Variants in PDE10A observed in about 807,000 individuals in gnomAD.
PDE10A encodes the protein phosphodiesterase 10A, also known as cAMP and cAMP-inhibited cGMP 3',5'-cyclic phosphodiesterase 10A.
Under a neutral mutation model 97.7 loss-of-function variants are expected in PDE10A, and 39 were observed. The observed-to-expected ratio is 0.40, with a 90% CI of 0.31 to 0.52. PDE10A has a LOEUF of 0.52. PDE10A is among the 20% of genes least tolerant of loss of function. The probability of loss-of-function intolerance (pLI) is 0.56; values close to 1 mark genes in which losing one functional copy is unlikely to be tolerated. For synonymous variants in PDE10A, 371 were observed against 376.8 expected (o/e 0.98, Z 0.18); for missense variants, 731 against 1,047.8 (o/e 0.70, Z 4.17).
intron 1 of PDE10A, among the ~76,000 whole-genome samples, chr6:165,956,416 G>C (rs1053261529): frequency 3.3e-5 from 5 of 152,146 alleles, no homozygotes; most frequent in African/African-American, 1.2e-4. Context: ...TTCCAAGTGG[G>C]TCTAACAGTG....
chr6:165,984,145 T>C lies in PDE10A; in HGVS notation c.-615+3384A>G, dbSNP rs541970255. On this transcript the variant is annotated intron_variant, in intron 1 of 19. Transcript: ENST00000366882. ...GCCAAATACAAAGGATATAATAAAA[T>C]CTTTAGACATTTTTATGCTAAAAAA... Among the ~76,000 whole-genome samples, 326 of 152,280 alleles carry C rather than the reference T, an allele frequency of 2.1e-3. 2 individuals are homozygous for C. The South Asian group carries it at 0.023, about 11-fold the overall frequency.
At chr6:165,437,264 C>T (rs1034627857) in intron 5 of PDE10A, among the ~76,000 whole-genome samples, 7 of 151,980 alleles carry the variant, frequency 4.6e-5, no homozygotes, top group Admixed American at 3.9e-4. Flanking sequence ...GCCATAGGCC[C>T]TTCAAGGCTG....
chr6:165,859,643 C>T (rs915809607), intron 1 of PDE10A, among the ~76,000 whole-genome samples: 1 of 152,168 alleles, frequency 6.6e-6, no homozygotes, highest in African/African-American at 2.4e-5. Flanking sequence ...AAATCCAATC[C>T]TTTTGGATTT....
At chr6:165,987,833 T>A (rs1053098606) in exon 1 of PDE10A, 5 of 417,670 alleles carry the variant, frequency 1.2e-5, no homozygotes, top group South Asian at 3.4e-5. Flanking sequence ...CCTTCCCTCC[T>A]TTCCATCTGG....
intron 2 of PDE10A, among the ~76,000 whole-genome samples, chr6:165,531,120 G>A (rs1461279107): frequency 6.6e-6 from 1 of 151,696 alleles, no homozygotes; most frequent in African/African-American, 2.4e-5. Context: ...GTGTCTCAGG[G>A]AACCCTTTCC....
chr6:165,873,075 T>G (rs1781245950), intron 1 of PDE10A, among the ~76,000 whole-genome samples: 1 of 152,200 alleles, frequency 6.6e-6, no homozygotes, highest in Admixed American at 6.5e-5. Context: ...GGCCAGGTTG[T>G]TCCTAGGCCT....
chr6:165,411,053 C>G (rs1455652603), intron 13 of PDE10A, among the ~76,000 whole-genome samples: 1 of 113,934 alleles, frequency 8.8e-6, no homozygotes, highest in African/African-American at 4.0e-5. Flanking sequence ...CGCCACTGCC[C>G]TCCAGCCTGG....
intron 17 of PDE10A, among the ~76,000 whole-genome samples, chr6:165,386,257 C>T (rs1785296876): frequency 1.3e-5 from 2 of 152,208 alleles, no homozygotes. Flanking sequence ...GGAGCTTCAC[C>T]ATCCCCACCT....
chr6:165,449,725 T>G (rs1056466862), intron 4 of PDE10A, among the ~76,000 whole-genome samples: 4 of 152,192 alleles, frequency 2.6e-5, no homozygotes, highest in African/African-American at 7.2e-5. Flanking sequence ...TATATTTTTA[T>G]TTTCAAATTA....
Position 165,699,762 on chromosome 6 carries a change from C to T in PDE10A, c.-614-156194G>A, listed in dbSNP as rs142146712. On this transcript the variant is annotated intron_variant, in intron 1 of 19. Coordinates refer to the PDE10A transcript ENST00000366882. ...ATGGGTCAAAAATCAAAAAGAAAAT[C>T]AGAAAATACTTTGAGATACATAAAA... is the stretch of plus-strand genomic sequence containing the variant. Among the ~76,000 whole-genome samples the T allele has an allele frequency of 2.7e-3, 414 of 152,144 alleles. 2 individuals carry two copies. Among genetic ancestry groups the T allele is most frequent in the African/African-American group, 9.5e-3 (395 of 41,530 alleles).
chr6:165,563,593 A>C (rs1784630854), intron 1 of PDE10A, among the ~76,000 whole-genome samples: 1 of 152,202 alleles, frequency 6.6e-6, no homozygotes, highest in East Asian at 1.9e-4. Context: ...ACCATGGCTC[A>C]AAAATGGTAG....
At chr6:165,339,396 T>TATAC (rs750953193) in intron 19 of PDE10A, 38 bp from the exon 20 acceptor site, 25 of 1,154,384 alleles carry the variant, frequency 2.2e-5, no homozygotes, top group Non-Finnish European at 2.9e-5. Flanking sequence ...TTTCTCAAAT[T>TATAC]TCAAATTGCT....
At chr6:165,899,275 T>G (rs1018951423) in intron 1 of PDE10A, among the ~76,000 whole-genome samples, 2 of 152,210 alleles carry the variant, frequency 1.3e-5, no homozygotes, top group South Asian at 2.1e-4. Context: ...GGTAGCAACT[T>G]AAAAGATACT....
intron 1 of PDE10A, among the ~76,000 whole-genome samples, chr6:165,934,033 G>C (rs1783239884): frequency 6.6e-6 from 1 of 150,976 alleles, no homozygotes; most frequent in Admixed American, 6.6e-5. Flanking sequence ...TGCCCAGGCT[G>C]AGTGTACTGG....
chr6:165,464,957 G>A (rs1778547603), intron 3 of PDE10A, among the ~76,000 whole-genome samples: 1 of 152,158 alleles, frequency 6.6e-6, no homozygotes, highest in African/African-American at 2.4e-5. Flanking sequence ...TATGAATAAA[G>A]CCTGCTATGA....
chr6:165,817,971 G>A (rs770875281), intron 1 of PDE10A, among the ~76,000 whole-genome samples: 16 of 152,266 alleles, frequency 1.1e-4, no homozygotes, highest in Admixed American at 3.3e-4. Flanking sequence ...CTGTTGATCC[G>A]TTGCAAGGCA....
At chr6:165,694,004 T>C (rs1214296682) in intron 1 of PDE10A, among the ~76,000 whole-genome samples, 1 of 152,240 alleles carries the variant, frequency 6.6e-6, no homozygotes, top group Non-Finnish European at 1.5e-5. Flanking sequence ...TACTTTGAAG[T>C]AAATATTTTA....
Position 165,799,373 on chromosome 6 carries a change from G to A in PDE10A, c.-615+188156C>T, listed in dbSNP as rs999478668. On this transcript the variant is annotated intron_variant, in intron 1 of 19. Transcript: ENST00000366882. The stretch of plus-strand genomic sequence containing the variant: ...TACAATTTTTAAAATCAATTTTGAA[G>A]GGCATTTTTTTTTGTCCTGCTTCTT... Among the ~76,000 whole-genome samples the A allele has an allele frequency of 3.9e-5, 6 of 152,264 alleles. No individual in the cohort carries two copies. The East Asian group carries it at 1.2e-3, about 29-fold the overall frequency.
chr6:165,372,772 T>A (rs1219159104), intron 18 of PDE10A, among the ~76,000 whole-genome samples: 1 of 134,652 alleles, frequency 7.4e-6, no homozygotes, highest in African/African-American at 3.0e-5. Flanking sequence ...CATTGCCAAG[T>A]CAATCCTAAG....
Sources: allele counts gnomAD v4.1 joint callset (sites outside exome capture counted in the v4.1 genomes callset), GRCh38; gene constraint gnomAD v4.1.1; transcripts MANE v1.5; gene names NCBI Gene and HGNC (gene_info 2026-07-23, HGNC 2026-07-21).